The following PAX8 variants were observed in gnomAD, a reference collection of about 807,000 sequenced individuals.
The protein encoded by PAX8 is paired box protein Pax-8.
PAX8 carries 15 observed loss-of-function variants against 52.4 expected under a neutral mutation model. The observed-to-expected ratio is 0.29, with a 90% CI of 0.19 to 0.44. The LOEUF is 0.44. Among genes scored for constraint, PAX8 ranks in the 20% least tolerant of loss-of-function variants. PAX8 has a pLI of 1.00. For synonymous variants in PAX8, 284 were observed against 249.7 expected, an observed-to-expected ratio of 1.14 and a Z score of -1.29; for missense variants, 554 against 602.5, an observed-to-expected ratio of 0.92 and a Z score of 0.84.
At position 113,235,954 on chromosome 2, in the gene PAX8, G is replaced by C. The variant is rs1690265288; in HGVS notation, c.899-372C>G. 1.2e-5 allele frequency: 3 copies of C among 251,902 alleles called. No individual in the cohort carries two copies. In the South Asian group the frequency reaches 2.9e-4, roughly 25 times the overall value. The allele number at this position is 251,902 out of a possible 1,614,324, so 15.6% of individuals were successfully genotyped here. Reference sequence around the variant, plus strand: ...ACCCCTGGGCCCACCTTGAGGCCCGGCCTAGGACTGGAGGCGCGACCCCTC... The same window carrying C: ...ACCCCTGGGCCCACCTTGAGGCCCGCCCTAGGACTGGAGGCGCGACCCCTC... On this transcript the variant is annotated intron_variant, in intron 8 of 11. Transcript: ENST00000429538.
intron 2 of PAX8, among the ~76,000 whole-genome samples, chr2:113,277,504 GC>G (rs1693905541): frequency 6.6e-6 from 1 of 152,210 alleles, no homozygotes. Context: ...CGATAGCGAT[GC>G]GCCCTGGCCC....
At chr2:113,275,821 A>G (rs1349162904) in intron 2 of PAX8, 1 of 152,274 alleles carries the variant, frequency 6.6e-6, no homozygotes, top group African/African-American at 2.4e-5. Flanking sequence ...TGACCTGCGC[A>G]CGTTAAAATG....
At position 113,228,248 on chromosome 2, in the gene PAX8, TTCACCCCAA is replaced by T. The variant is rs1229509476; in HGVS notation, c.1088-1001_1088-993del. 2.5e-4 allele frequency among the ~76,000 whole-genome samples: 38 copies of T among 152,226 alleles called. 1 individual carries two copies. Among genetic ancestry groups the T allele is most frequent in the Admixed American group, 2.5e-3 (38 of 15,278 alleles). On this transcript the variant is annotated intron_variant, in intron 9 of 11. Transcript: ENST00000429538. ...CCTGCAGGCCCCAATCAGATTCTCC[TTCACCCCAA>T]GATTCTTGGCAAGGTGACAATACAC...
At chr2:113,274,550 T>C (rs1461183462) in intron 2 of PAX8, 1 of 152,220 alleles carries the variant, frequency 6.6e-6, no homozygotes, top group Non-Finnish European at 1.5e-5. Flanking sequence ...CTCCTTTCAG[T>C]GTCTTTCTTT....
chr2:113,220,569 G>A, intron 10 of PAX8: 1 of 188,224 alleles, frequency 5.3e-6, no homozygotes, highest in Non-Finnish European at 1.1e-5. Context: ...GTAGGGCCCA[G>A]GGACTAACTG....
chr2:113,224,547 CA>C (rs1250640219), intron 10 of PAX8, among the ~76,000 whole-genome samples: 59 of 52,328 alleles, frequency 1.1e-3, no homozygotes, highest in African/African-American at 1.8e-3. Context: ...ACTCCGTCTC[CA>C]AAAAAAAAAA....
intron 2 of PAX8, among the ~76,000 whole-genome samples, chr2:113,249,981 AG>A (rs1691636342): frequency 6.6e-6 from 1 of 152,056 alleles, no homozygotes. Context: ...ATAAGAAGAT[AG>A]GGGGGCTGGG....
rs7589901 is a variant in PAX8, at chr2:113,235,767, A to C, written c.899-185T>G. 207,646 of 575,602 alleles carry C rather than the reference A, an allele frequency of 0.36. 38,130 individuals carry two copies. Among genetic ancestry groups the C allele is most frequent in the South Asian group, 0.42 (19,519 of 46,482 alleles). 35.7% of individuals were successfully genotyped at this position (575,602 alleles called of 1,614,324 possible). On this transcript the variant is annotated intron_variant, in intron 8 of 11. Coordinates refer to ENST00000429538, the MANE Select transcript of PAX8 (RefSeq NM_003466.4). Reference sequence around the variant, plus strand: ...GTGGCAAGGCGGGGAGAGAGAAGCTAGACCTCCCTGCTGCGCTTCTGCAGC... The same window carrying C: ...GTGGCAAGGCGGGGAGAGAGAAGCTCGACCTCCCTGCTGCGCTTCTGCAGC...
In PAX8 at chr2:113,241,390, GTAAAA is replaced by G. The variant is rs1330961248; in HGVS notation, c.777+156_777+160del. ...AGGGAGGAAGATGCCAGGGCATCTGGTAAAATAAAGCATGTGTCAGGCTTGGAGTT... is the reference window on the plus strand; with the variant it reads ...AGGGAGGAAGATGCCAGGGCATCTGGTAAAGCATGTGTCAGGCTTGGAGTT... On this transcript the variant is annotated intron_variant, in intron 7 of 11. Transcript: ENST00000429538. 4 of 749,518 alleles carry G rather than the reference GTAAAA, an allele frequency of 5.3e-6. No individual in the cohort carries two copies. The African/African-American group carries it at 6.9e-5, about 13-fold the overall frequency. The allele number at this position is 749,518 out of a possible 1,614,324, so 46.4% of individuals were successfully genotyped here. A position where few individuals can be genotyped will look rare whatever the true frequency, so the allele number is the denominator to read the frequency against.
intron 3 of PAX8, among the ~76,000 whole-genome samples, chr2:113,245,414 GC>G (rs1691233640): frequency 6.6e-6 from 1 of 152,110 alleles, no homozygotes; most frequent in Non-Finnish European, 1.5e-5. Context: ...GCTCTGTCTT[GC>G]TGGTTCACCT....
chr2:113,218,588 G>T lies in PAX8; in HGVS notation c.1298C>A (p.Ser433Tyr). Residue 433 changes from serine (S) to tyrosine (Y), a missense_variant, in exon 12 of 12, where the codon TCC (serine) becomes TAC (tyrosine). Physicochemically the swap from Ser to Tyr is moderately radical, Grantham distance 144. This residue lies in a region of PAX8 where 445 missense variants were observed against 409.9 expected (regional missense o/e 1.09). Transcript: ENST00000429538. Reference sequence around the variant, plus strand: ...GGGCGGTGCACTCGGCCTTGATGTGGAACTGTAATAATATGGGGAACCTGG... The same window carrying T: ...GGGCGGTGCACTCGGCCTTGATGTGTAACTGTAATAATATGGGGAACCTGG... ...SLLSSPYYYS[S>Y]TSRPSAPPTT... is the part of the protein sequence containing the mutation. The T allele has an allele frequency of 6.4e-7, 1 of 1,558,674 alleles. No individual in the cohort carries two copies. The highest frequency in any genetic ancestry group is 1.2e-5 in the South Asian group (1 of 84,302).
chr2:113,218,658 A>C, intron 11 of PAX8, 49 bp from the exon 12 acceptor site: 2 of 1,223,330 alleles, frequency 1.6e-6, no homozygotes, highest in Non-Finnish European at 2.3e-6. Context: ...TCAGAAAGGA[A>C]AATTGCACCA....
intron 2 of PAX8, among the ~76,000 whole-genome samples, chr2:113,250,073 C>G (rs1214417277): frequency 6.6e-6 from 1 of 151,920 alleles, no homozygotes; most frequent in Non-Finnish European, 1.5e-5. Context: ...CCAGACCATC[C>G]TGGCTAACAT....
At chr2:113,268,806 C>T (rs35006857) in intron 2 of PAX8, 27,113 of 152,380 alleles carry the variant, frequency 0.18, 2,546 homozygotes, top group Non-Finnish European at 0.22. Context: ...CCCAGCCAGG[C>T]CCTGAGGAAA....
chr2:113,226,595 T>C lies in PAX8; in HGVS notation c.1189+560A>G, dbSNP rs1299507775. Reference sequence around the variant, plus strand: ...TCCTCTATAGTACTCTTAGAGTACCTAGAACCCGGGTCCTATCCATGCAGG... The same window carrying C: ...TCCTCTATAGTACTCTTAGAGTACCCAGAACCCGGGTCCTATCCATGCAGG... On this transcript the variant is annotated intron_variant, in intron 10 of 11. Coordinates refer to ENST00000429538, the MANE Select transcript of PAX8 (RefSeq NM_003466.4). The C allele has an allele frequency of 3.8e-6, 4 of 1,052,092 alleles. No individual in the cohort carries two copies. In the Admixed American group the frequency reaches 1.4e-4, roughly 38 times the overall value. The allele number at this position is 1,052,092 out of a possible 1,614,324, so 65.2% of individuals were successfully genotyped here.
chr2:113,226,416 G>C (rs1689572445), intron 10 of PAX8: 1 of 985,898 alleles, frequency 1.0e-6, no homozygotes, highest in African/African-American at 1.7e-5. Context: ...ATTGAGACTT[G>C]CCCAAGGAAA....
At chr2:113,226,439 T>C in intron 10 of PAX8, 1 of 986,346 alleles carries the variant, frequency 1.0e-6, no homozygotes, top group Non-Finnish European at 1.2e-6. Context: ...CCCATTATCT[T>C]CATTTGTCCA....
At chr2:113,272,777 G>A (rs1265285422) in intron 2 of PAX8, 1 of 152,104 alleles carries the variant, frequency 6.6e-6, no homozygotes, top group Non-Finnish European at 1.5e-5. Flanking sequence ...ATCTGCATTT[G>A]GAAAGAATCC....
intron 3 of PAX8, 139 bp from the exon 4 acceptor site, chr2:113,244,763 A>G: frequency 1.3e-6 from 1 of 794,008 alleles, no homozygotes; most frequent in South Asian, 1.5e-5. Context: ...GGCTGGTCTC[A>G]AACGCTTGAT....
Sources: gnomAD v4.1 joint callset for allele counts (sites outside exome capture counted in the v4.1 genomes callset) on GRCh38, gnomAD v4.1.1 for gene constraint, gnomAD v4.1.1 regional missense constraint, MANE v1.5 for transcripts, NCBI Gene and HGNC (gene_info 2026-07-23, HGNC 2026-07-21) for gene names.